Variants in PRKG1 observed in about 807,000 individuals in gnomAD.
PRKG1 encodes cGMP-dependent protein kinase 1.
In PRKG1, 35 loss-of-function variants were observed where a neutral mutation model predicts 88.1. That is an observed-to-expected ratio of 0.40 (90% CI 0.30 to 0.53). The LOEUF (loss-of-function observed/expected upper bound fraction) is 0.53, where lower values mean the gene tolerates loss of function less well. Ranked by LOEUF, PRKG1 falls within the 20% of genes least tolerant of loss-of-function variation. The probability of loss-of-function intolerance (pLI) is 0.59; values close to 1 mark genes in which losing one functional copy is unlikely to be tolerated. For synonymous variants in PRKG1, 303 were observed against 292.5 expected (o/e 1.04, Z -0.37); for missense variants, 540 against 839.8 (o/e 0.64, Z 4.41).
intron 1 of PRKG1, among the ~76,000 whole-genome samples, chr10:51,123,858 G>A (rs1046052249): frequency 6.6e-6 from 1 of 152,098 alleles, no homozygotes; most frequent in Non-Finnish European, 1.5e-5. Flanking sequence ...GTGGAGGCAG[G>A]CACTTCACGT....
At chr10:51,563,373 A>C (rs1166405465) in intron 3 of PRKG1, among the ~76,000 whole-genome samples, 3 of 152,162 alleles carry the variant, frequency 2.0e-5, no homozygotes, top group Admixed American at 2.0e-4. Flanking sequence ...TCCGATCACT[A>C]TGCATTCTGT....
chr10:51,202,366 C>G (rs1837933506), intron 2 of PRKG1, among the ~76,000 whole-genome samples: 1 of 152,150 alleles, frequency 6.6e-6, no homozygotes, highest in South Asian at 2.1e-4. Context: ...TCCTCTTGGG[C>G]CTCAATCTTT....
At chr10:51,158,123 A>G (rs1053643118) in intron 2 of PRKG1, among the ~76,000 whole-genome samples, 5 of 151,788 alleles carry the variant, frequency 3.3e-5, no homozygotes, top group African/African-American at 1.2e-4. Context: ...AATTTTTTTC[A>G]TGAGGTGTTT....
chr10:52,224,125 C>T (rs904314151), intron 9 of PRKG1, among the ~76,000 whole-genome samples: 49 of 152,098 alleles, frequency 3.2e-4, no homozygotes, highest in Non-Finnish European at 7.4e-5. Flanking sequence ...TTACAATGGT[C>T]TACAAGGCCC....
At position 51,324,474 on chromosome 10, in the gene PRKG1, G is replaced by A. The variant is rs139838277; in HGVS notation, c.479-143249G>A. On this transcript the variant is annotated intron_variant, in intron 2 of 17. Transcript: ENST00000373980. ...ATTAAGGTTCCATTGTGGGCCGGGC[G>A]CGGTGGCTCACGCCAGGCCGAGGCA... 8.6e-4 allele frequency among the ~76,000 whole-genome samples: 130 copies of A among 151,918 alleles called. 1 individual carries two copies. Among genetic ancestry groups the A allele is most frequent in the African/African-American group, 3.0e-3 (124 of 41,448 alleles).
At chr10:51,405,937 C>T (rs1442385973) in intron 2 of PRKG1, among the ~76,000 whole-genome samples, 2 of 152,112 alleles carry the variant, frequency 1.3e-5, no homozygotes, top group Non-Finnish European at 2.9e-5. Context: ...CATCTGGCAA[C>T]AGAGCTGTCA....
At chr10:51,463,579 A>G (rs1043642562) in intron 2 of PRKG1, among the ~76,000 whole-genome samples, 3 of 152,244 alleles carry the variant, frequency 2.0e-5, no homozygotes, top group Admixed American at 2.0e-4. Context: ...GAAGAAAGGA[A>G]GTTGATTAGG....
At chr10:51,050,354 G>A (rs1843545680) in intron 1 of PRKG1, among the ~76,000 whole-genome samples, 1 of 151,612 alleles carries the variant, frequency 6.6e-6, no homozygotes, top group African/African-American at 2.4e-5. Context: ...AACCACCATT[G>A]TACTCTCTGC....
intron 2 of PRKG1, among the ~76,000 whole-genome samples, chr10:51,210,890 G>A (rs531936037): frequency 6.6e-6 from 1 of 152,280 alleles, no homozygotes; most frequent in African/African-American, 2.4e-5. Context: ...GAGGTACAAG[G>A]AGGAGCTGGT....
chr10:51,796,822 A>G (rs1367902578), intron 3 of PRKG1, among the ~76,000 whole-genome samples: 2 of 152,078 alleles, frequency 1.3e-5, no homozygotes, highest in African/African-American at 2.4e-5. Context: ...AGTACAGGAA[A>G]GGCAAATTTG....
chr10:51,836,175 C>A (rs1217935633), intron 4 of PRKG1, among the ~76,000 whole-genome samples: 3 of 152,220 alleles, frequency 2.0e-5, no homozygotes, highest in Non-Finnish European at 4.4e-5. Context: ...GGCATCAAAG[C>A]AGACACATCA....
chr10:51,880,944 A>G (rs1197341706), intron 4 of PRKG1, among the ~76,000 whole-genome samples: 2 of 151,956 alleles, frequency 1.3e-5, no homozygotes, highest in African/African-American at 4.8e-5. Context: ...TACCCAAGTA[A>G]TTATAATTAT....
chr10:51,983,257 G>T (rs1844061590), intron 5 of PRKG1, among the ~76,000 whole-genome samples: 1 of 152,128 alleles, frequency 6.6e-6, no homozygotes, highest in Admixed American at 6.5e-5. Context: ...AGGTGCTGGT[G>T]GGGCAAGGAA....
chr10:51,213,217 C>T (rs980755735), intron 2 of PRKG1, among the ~76,000 whole-genome samples: 14 of 148,442 alleles, frequency 9.4e-5, no homozygotes, highest in African/African-American at 2.0e-4. Context: ...ATCGCAAGGA[C>T]AAAAAACCAA....
At chr10:51,207,637 AAT>A (rs1375321585) in intron 2 of PRKG1, among the ~76,000 whole-genome samples, 1 of 152,044 alleles carries the variant, frequency 6.6e-6, no homozygotes, top group Non-Finnish European at 1.5e-5. Context: ...CCATTCTCAC[AAT>A]ATACTGCCCC....
At chr10:51,694,701 T>C (rs1841238572) in intron 3 of PRKG1, among the ~76,000 whole-genome samples, 1 of 152,044 alleles carries the variant, frequency 6.6e-6, no homozygotes, top group Non-Finnish European at 1.5e-5. Context: ...AATGAATTGG[T>C]GATTTTATTT....
At chr10:52,092,436 C>A (rs956063844) in intron 7 of PRKG1, among the ~76,000 whole-genome samples, 1 of 151,998 alleles carries the variant, frequency 6.6e-6, no homozygotes, top group African/African-American at 2.4e-5. Context: ...CTGAAAAAAA[C>A]CCCAGTTCTG....
At chr10:50,994,813 G>GAA (rs35386826) in intron 1 of PRKG1, among the ~76,000 whole-genome samples, 74,203 of 143,446 alleles carry the variant, frequency 0.52, 19,278 homozygotes, top group Admixed American at 0.58. Context: ...AACTATTCAG[G>GAA]AAAAAAAAAA....
Position 51,004,057 on chromosome 10 carries a change from C to A in PRKG1, c.266+12413C>A, listed in dbSNP as rs144131711. ...ATGTATTTATTTATAGGATTAATTC[C>A]AAACAGTGAGAGTCCTAGGTCAAAA... is the stretch of plus-strand genomic sequence containing the variant. On this transcript the variant is annotated intron_variant, in intron 1 of 17. Coordinates refer to the PRKG1 transcript ENST00000401604. Among the ~76,000 whole-genome samples the A allele has an allele frequency of 6.5e-3, 991 of 152,146 alleles. 5 individuals carry two copies. The highest frequency in any genetic ancestry group is 0.011 in the Non-Finnish European group (751 of 67,984).
Sources: gnomAD v4.1 joint callset for allele counts (sites outside exome capture counted in the v4.1 genomes callset) on GRCh38, gnomAD v4.1.1 for gene constraint, MANE v1.5 for transcripts, NCBI Gene and HGNC (gene_info 2026-07-23, HGNC 2026-07-21) for gene names.